Variants in MCTP2 observed in about 807,000 individuals in gnomAD.
MCTP2 encodes the protein multiple C2 and transmembrane domain-containing protein 2.
In MCTP2, 132 loss-of-function variants were observed where a neutral mutation model predicts 111.6. That is an observed-to-expected ratio of 1.18 (90% CI 1.03 to 1.37). The LOEUF is 1.37. Ranked by LOEUF, MCTP2 falls within the 40% of genes most tolerant of loss-of-function variation. The pLI, the probability that MCTP2 is intolerant of heterozygous loss-of-function variation, is 0.00. For missense variants in MCTP2, 1,183 were observed against 1,067.9 expected (o/e 1.11, Z -1.50); for synonymous variants, 395 against 387.7 (o/e 1.02, Z -0.22).
At chr15:94,421,402 G>C (rs1248744425) in intron 17 of MCTP2, among the ~76,000 whole-genome samples, 1 of 152,178 alleles carries the variant, frequency 6.6e-6, no homozygotes, top group African/African-American at 2.4e-5. Flanking sequence ...AATTATCAAA[G>C]ACATAAGTGG....
intron 1 of MCTP2, among the ~76,000 whole-genome samples, chr15:94,290,163 A>C (rs926639803): frequency 2.0e-5 from 3 of 152,152 alleles, no homozygotes; most frequent in African/African-American, 7.2e-5. Flanking sequence ...AAAAAAAAAA[A>C]ATGCATTCTT....
intron 20 of MCTP2, among the ~76,000 whole-genome samples, chr15:94,458,565 A>G (rs1276976192): frequency 6.6e-6 from 1 of 152,248 alleles, no homozygotes; most frequent in Non-Finnish European, 1.5e-5. Context: ...CTATTCAGAA[A>G]TAAAAAGAGA....
Position 94,442,925 on chromosome 15 carries a change from A to T in MCTP2, c.2215A>T (p.Thr739Ser), listed in dbSNP as rs930756581. 5.0e-6 allele frequency: 8 copies of T among 1,613,492 alleles called. No individual in the cohort carries two copies. Among genetic ancestry groups the T allele is most frequent in the Non-Finnish European group, 6.8e-6 (8 of 1,179,736 alleles). The change falls in exon 19 of 23, where the codon ACA (threonine) becomes TCA (serine). Residue 739 changes from threonine to serine, a missense_variant. By Grantham distance (58) the Thr-to-Ser change is moderately conservative. Coordinates refer to ENST00000357742, the MANE Select transcript of MCTP2 (RefSeq NM_001385001.1). ...VSSIQDSQES[T>S]DIDDEEDEDD... ...ACGTGGGATTTCCTTTCAGGAGAGC[A>T]CAGACATAGATGACGAGGAGGATGA...
At chr15:94,355,738 C>T (rs893708544) in intron 8 of MCTP2, among the ~76,000 whole-genome samples, 1 of 152,198 alleles carries the variant, frequency 6.6e-6, no homozygotes, top group Non-Finnish European at 1.5e-5. Flanking sequence ...TTTCTGAATG[C>T]CCAGAGATAT....
At chr15:94,432,335 T>A (rs1335052851) in intron 17 of MCTP2, among the ~76,000 whole-genome samples, 1 of 152,200 alleles carries the variant, frequency 6.6e-6, no homozygotes, top group Non-Finnish European at 1.5e-5. Context: ...ACATATAGCA[T>A]TCTCTTAACG....
intron 2 of MCTP2, among the ~76,000 whole-genome samples, chr15:94,301,777 G>A (rs575187196): frequency 4.6e-4 from 69 of 150,252 alleles, no homozygotes; most frequent in African/African-American, 1.7e-3. Flanking sequence ...TTAGGCAGGT[G>A]TAAACTTTTT....
At chr15:94,233,229 A>G (rs1393355523) in intron 1 of MCTP2, among the ~76,000 whole-genome samples, 4 of 152,122 alleles carry the variant, frequency 2.6e-5, no homozygotes, top group African/African-American at 4.8e-5. Context: ...GCTGTGACCT[A>G]TCTGTGACTA....
chr15:94,291,368 C>T (rs1446677505), intron 1 of MCTP2, among the ~76,000 whole-genome samples: 3 of 152,044 alleles, frequency 2.0e-5, no homozygotes, highest in East Asian at 3.8e-4. Context: ...TTTGGGAGGC[C>T]GAGGTGGGTG....
In MCTP2 at chr15:94,440,274, G is replaced by A. The variant is rs1211183582; in HGVS notation, c.2184G>A (p.Lys728=). ...ATTTCATCAGACCTGTGAAAGGCAA[G>A]GTCAGCAGCATCCAGGACAGCCAGG... ...VYNFIRPVKG[K]VSSIQDSQES... The change falls in exon 18 of 23, where the codon AAG becomes AAA. Residue 728 remains lysine, a synonymous_variant. Coordinates refer to ENST00000357742, the MANE Select transcript of MCTP2 (RefSeq NM_001385001.1). 1.2e-6 allele frequency: 2 copies of A among 1,613,992 alleles called. No individual in the cohort carries two copies. Among genetic ancestry groups the A allele is most frequent in the Non-Finnish European group, 1.7e-6 (2 of 1,180,012 alleles).
intron 12 of MCTP2, among the ~76,000 whole-genome samples, chr15:94,378,276 C>T (rs976277761): frequency 6.6e-6 from 1 of 151,870 alleles, no homozygotes; most frequent in South Asian, 2.1e-4. Flanking sequence ...AATTTCAACA[C>T]TTTAAGAGGA....
At chr15:94,464,265 AT>A (rs1344976731) in intron 20 of MCTP2, among the ~76,000 whole-genome samples, 1 of 84,996 alleles carries the variant, frequency 1.2e-5, no homozygotes, top group Non-Finnish European at 2.4e-5. Context: ...TATTATATAT[AT>A]ATATATATAT....
At chr15:94,401,797 G>C in intron 16 of MCTP2, 103 bp from the exon 17 acceptor site, 1 of 761,256 alleles carries the variant, frequency 1.3e-6, no homozygotes, top group Non-Finnish European at 2.0e-6. Flanking sequence ...TTTTAAAATT[G>C]GGATCTATAC....
intron 7 of MCTP2, among the ~76,000 whole-genome samples, chr15:94,344,289 T>C (rs2077837651): frequency 6.6e-6 from 1 of 152,232 alleles, no homozygotes. Context: ...TGGGAAGACA[T>C]ATTGGCAAAG....
At chr15:94,249,207 C>T (rs1051558632) in intron 1 of MCTP2, among the ~76,000 whole-genome samples, 9 of 152,140 alleles carry the variant, frequency 5.9e-5, no homozygotes, top group African/African-American at 1.9e-4. Flanking sequence ...TTTTACATAG[C>T]CCTGTGTTAT....
chr15:94,436,719 G>A lies in MCTP2; in HGVS notation c.2086-3457G>A, dbSNP rs181028681. ...TTATAATGAAGAAAATAAACATGAT[G>A]TGTCCTGATTTTTCTCCATAGCTTT... On this transcript the variant is annotated intron_variant, in intron 17 of 22. Coordinates refer to ENST00000357742, the MANE Select transcript of MCTP2 (RefSeq NM_001385001.1). Among the ~76,000 whole-genome samples the A allele has an allele frequency of 2.2e-4, 34 of 152,184 alleles. 1 individual carries two copies. In the East Asian group the frequency reaches 6.0e-3, roughly 27 times the overall value.
intron 12 of MCTP2, among the ~76,000 whole-genome samples, chr15:94,383,096 C>G (rs1356575491): frequency 6.6e-6 from 1 of 151,830 alleles, no homozygotes; most frequent in African/African-American, 2.4e-5. Flanking sequence ...TTGAGTTATA[C>G]TTTTTTTGTT....
intron 17 of MCTP2, among the ~76,000 whole-genome samples, chr15:94,422,379 C>A (rs915666261): frequency 2.0e-5 from 3 of 151,978 alleles, no homozygotes; most frequent in East Asian, 1.9e-4. Flanking sequence ...CATGGTGTTT[C>A]CCCACGTGAC....
At chr15:94,319,564 G>C (rs1026826228) in intron 4 of MCTP2, among the ~76,000 whole-genome samples, 1 of 152,192 alleles carries the variant, frequency 6.6e-6, no homozygotes, top group African/African-American at 2.4e-5. Flanking sequence ...TGCTGGCCCA[G>C]GAACCACACT....
intron 17 of MCTP2, among the ~76,000 whole-genome samples, chr15:94,438,245 C>T (rs1435835659): frequency 2.0e-5 from 3 of 151,816 alleles, no homozygotes; most frequent in African/African-American, 4.8e-5. Context: ...ACGCATACAC[C>T]GTGAAAAGAA....
Sources: gnomAD v4.1 joint callset for allele counts (sites outside exome capture counted in the v4.1 genomes callset) on GRCh38, gnomAD v4.1.1 for gene constraint, MANE v1.5 for transcripts, NCBI Gene and HGNC (gene_info 2026-07-23, HGNC 2026-07-21) for gene names.